NSD2: variants seen among roughly 807,000 people sequenced by gnomAD.
NSD2 encodes the protein nuclear receptor binding SET domain protein 2, also known as histone-lysine N-methyltransferase NSD2.
Under a neutral mutation model 139.0 loss-of-function variants are expected in NSD2, and 12 were observed. That is an observed-to-expected ratio of 0.09 (90% CI 0.06 to 0.14). NSD2 has a LOEUF of 0.14. Ranked by LOEUF, NSD2 falls within the 10% of genes least tolerant of loss-of-function variation. NSD2 has a pLI of 1.00. For missense variants in NSD2, 1,155 were observed against 1,745.0 expected, an observed-to-expected ratio of 0.66 and a Z score of 6.02; for synonymous variants, 669 against 648.7, an observed-to-expected ratio of 1.03 and a Z score of -0.48.
chr4:1,914,083 C>T (rs371069166), intron 3 of NSD2, among the ~76,000 whole-genome samples: 2 of 152,050 alleles, frequency 1.3e-5, no homozygotes, highest in African/African-American at 2.4e-5. Flanking sequence ...AGTTCAGTGG[C>T]GGGATCTCAG....
In NSD2 at chr4:1,942,595, C is replaced by T. The variant is rs1343434709; in HGVS notation, c.1881+2817C>T. 9 of 1,314,052 alleles carry T rather than the reference C, an allele frequency of 6.8e-6. No homozygotes were observed. Among genetic ancestry groups the T allele is most frequent in the South Asian group, 3.9e-5 (2 of 50,934 alleles). 81.4% of individuals were successfully genotyped at this position (1,314,052 alleles called of 1,614,324 possible). A position where few individuals can be genotyped will look rare whatever the true frequency, so the allele number is the denominator to read the frequency against. On this transcript the variant is annotated intron_variant, in intron 9 of 21. Transcript: ENST00000508803. This position sits in a 1 kb window ranked among gnomAD's most constrained non-coding sequence, Gnocchi z 4.0. Reference sequence around the variant, plus strand: ...GATAACTAATCAAGGCCATTTAATCCGTCACATTCATCTCATAATAGAAAC... The same window carrying T: ...GATAACTAATCAAGGCCATTTAATCTGTCACATTCATCTCATAATAGAAAC...
intron 3 of NSD2, among the ~76,000 whole-genome samples, chr4:1,911,690 GTAAAA>G (rs1196156229): frequency 1.3e-5 from 2 of 151,188 alleles, no homozygotes; most frequent in Non-Finnish European, 2.9e-5. Context: ...TTAATTATTG[GTAAAA>G]TAAAAACAGT....
chr4:1,913,767 G>C (rs1309296753), intron 3 of NSD2, among the ~76,000 whole-genome samples: 1 of 151,930 alleles, frequency 6.6e-6, no homozygotes, highest in African/African-American at 2.4e-5. Flanking sequence ...GCCACTACCA[G>C]TCTCCGCATC....
Position 1,959,550 on chromosome 4 carries a change from A to T in NSD2, c.3065A>T (p.Asp1022Val). Residue 1022 changes from aspartate to valine, a missense_variant, in exon 17 of 22, where the codon GAT becomes GTT. This residue lies in a region of NSD2 where 139 missense variants were observed against 485.8 expected (regional missense o/e 0.29). Transcript: ENST00000508803. ...EIPKCNCKPTDENPCGFDSEC... is the reference protein window; with the variant it reads ...EIPKCNCKPTVENPCGFDSEC... ...CCTAAGTGCAACTGCAAGCCCACAG[A>T]TGAGAATCCTTGTGGCTTTGATTCG... 6.2e-7 allele frequency: 1 copy of T among 1,614,208 alleles called. No homozygotes were observed. The highest frequency in any genetic ancestry group is 8.5e-7 in the Non-Finnish European group (1 of 1,180,044).
At chr4:1,889,341 G>C (rs1577365068) in intron 1 of NSD2, among the ~76,000 whole-genome samples, 1 of 152,152 alleles carries the variant, frequency 6.6e-6, no homozygotes, top group East Asian at 1.9e-4. Flanking sequence ...CTACAGGCAT[G>C]CGCTTCCACA....
chr4:1,981,654 G>C lies in NSD2; in HGVS notation c.*2745G>C. The C allele has an allele frequency of 2.6e-6, 1 of 389,556 alleles. No individual in the cohort carries two copies. Among genetic ancestry groups the C allele is most frequent in the Non-Finnish European group, 4.5e-6 (1 of 220,804 alleles). 24.1% of individuals were successfully genotyped at this position (389,556 alleles called of 1,614,324 possible). A position where few individuals can be genotyped will look rare whatever the true frequency, so the allele number is the denominator to read the frequency against. The stretch of plus-strand genomic sequence containing the variant: ...CCGTCCTCAGGCCGGCCTTTCTTCC[G>C]GCGACACCCGTCCATGGCTGGCTGG... On this transcript the variant is annotated 3_prime_UTR_variant, in exon 22 of 22. Coordinates refer to ENST00000508803, the MANE Select transcript of NSD2 (RefSeq NM_001042424.3).
At chr4:1,909,613 T>C (rs181581818) in intron 3 of NSD2, among the ~76,000 whole-genome samples, 28 of 152,196 alleles carry the variant, frequency 1.8e-4, no homozygotes, top group Admixed American at 5.9e-4. Flanking sequence ...AGTACTTTTA[T>C]ATTTTTCTAT....
At chr4:1,918,113 C>T in intron 4 of NSD2, 28 bp from the exon 5 acceptor site, 2 of 1,595,850 alleles carry the variant, frequency 1.3e-6, no homozygotes, top group Non-Finnish European at 1.7e-6. Context: ...TGTAGTGAAA[C>T]TTACAGTGTC....
At chr4:1,943,072 A>C (rs1723264284) in intron 9 of NSD2, 1 of 1,049,890 alleles carries the variant, frequency 9.5e-7, no homozygotes, top group Non-Finnish European at 1.2e-6. Flanking sequence ...TATGTACACC[A>C]ACCTCTGCAT....
At chr4:1,965,452 A>G (rs983176081) in intron 18 of NSD2, among the ~76,000 whole-genome samples, 1 of 152,210 alleles carries the variant, frequency 6.6e-6, no homozygotes, top group Non-Finnish European at 1.5e-5. Flanking sequence ...GGCAGAGACA[A>G]CTTTGAAAAA....
intron 1 of NSD2, among the ~76,000 whole-genome samples, chr4:1,884,316 G>A (rs555746708): frequency 7.9e-5 from 12 of 152,090 alleles, no homozygotes; most frequent in African/African-American, 2.6e-4. Flanking sequence ...GGCTGGTCTC[G>A]AACTGCTGAG....
At chr4:1,927,824 G>A (rs772120465) in intron 5 of NSD2, among the ~76,000 whole-genome samples, 4 of 150,242 alleles carry the variant, frequency 2.7e-5, no homozygotes, top group Non-Finnish European at 4.4e-5. Flanking sequence ...CTCCAATTAC[G>A]TTGGCAATGT....
chr4:1,897,701 A>C (rs1311746140), intron 1 of NSD2, among the ~76,000 whole-genome samples: 1 of 152,192 alleles, frequency 6.6e-6, no homozygotes, highest in African/African-American at 2.4e-5. Context: ...GTCTTTGCTT[A>C]TTGCAGCCTC....
At chr4:1,970,213 C>T (rs1390786078) in intron 18 of NSD2, among the ~76,000 whole-genome samples, 1 of 152,018 alleles carries the variant, frequency 6.6e-6, no homozygotes, top group Non-Finnish European at 1.5e-5. Context: ...CTGTAGATAC[C>T]CAGGCAAAAA....
At chr4:1,913,411 C>T (rs185509425) in intron 3 of NSD2, among the ~76,000 whole-genome samples, 5 of 152,242 alleles carry the variant, frequency 3.3e-5, no homozygotes, top group Non-Finnish European at 7.3e-5. Flanking sequence ...CAAGCCCACC[C>T]GCAGCCATCC....
At chr4:1,895,980 C>T (rs1261342716) in intron 1 of NSD2, among the ~76,000 whole-genome samples, 1 of 152,216 alleles carries the variant, frequency 6.6e-6, no homozygotes. Flanking sequence ...AAGTCCTCTG[C>T]CTGGTGGTGG....
intron 9 of NSD2, among the ~76,000 whole-genome samples, chr4:1,949,893 A>G (rs1428778675): frequency 1.3e-5 from 2 of 152,188 alleles, no homozygotes; most frequent in African/African-American, 4.8e-5. Context: ...GCTCACTGAT[A>G]AGGTCACAGG....
At chr4:1,874,190 G>C (rs1014822690) in intron 1 of NSD2, among the ~76,000 whole-genome samples, 1 of 152,140 alleles carries the variant, frequency 6.6e-6, no homozygotes, top group Non-Finnish European at 1.5e-5. Flanking sequence ...GCTGCTCATG[G>C]CCATAGAATG....
At chr4:1,914,596 G>T (rs1719113777) in intron 3 of NSD2, among the ~76,000 whole-genome samples, 1 of 152,152 alleles carries the variant, frequency 6.6e-6, no homozygotes, top group South Asian at 2.1e-4. Context: ...GAAGTGCTGG[G>T]ATTACAGGCG....
Sources: gnomAD v4.1 joint callset for allele counts (sites outside exome capture counted in the v4.1 genomes callset) on GRCh38, gnomAD v4.1.1 for gene constraint, gnomAD v4.1.1 regional missense constraint, Gnocchi (gnomAD v3.1) non-coding constraint, MANE v1.5 for transcripts, NCBI Gene and HGNC (gene_info 2026-07-23, HGNC 2026-07-21) for gene names.